The following AFG1L variants were observed in gnomAD, a reference collection of about 807,000 sequenced individuals.
AFG1L encodes AFG1-like ATPase.
AFG1L carries 53 observed loss-of-function variants against 62.2 expected under a neutral mutation model. The observed-to-expected ratio is 0.85, with a 90% CI of 0.68 to 1.07. The LOEUF (loss-of-function observed/expected upper bound fraction) is 1.07, where lower values mean the gene tolerates loss of function less well. AFG1L is among the 50% of genes least tolerant of loss of function. The pLI is 0.00. For synonymous variants in AFG1L, 228 were observed against 210.3 expected, an observed-to-expected ratio of 1.08 and a Z score of -0.73; for missense variants, 555 against 590.5, an observed-to-expected ratio of 0.94 and a Z score of 0.62.
chr6:108,348,161 C>G (rs1778939914), intron 3 of AFG1L, among the ~76,000 whole-genome samples: 2 of 152,202 alleles, frequency 1.3e-5, no homozygotes. Flanking sequence ...TCACTGCAAG[C>G]TCCGCCTCCC....
At chr6:108,370,285 T>C (rs1447748155) in intron 6 of AFG1L, among the ~76,000 whole-genome samples, 3 of 152,066 alleles carry the variant, frequency 2.0e-5, no homozygotes, top group Non-Finnish European at 2.9e-5. Flanking sequence ...GTTTGGAGAA[T>C]AGGTTACTAG....
intron 2 of AFG1L, among the ~76,000 whole-genome samples, chr6:108,331,669 G>A (rs1284487167): frequency 6.6e-6 from 1 of 152,156 alleles, no homozygotes; most frequent in East Asian, 1.9e-4. Context: ...TTGTTATTGT[G>A]CTGTGAGGTA....
intron 10 of AFG1L, among the ~76,000 whole-genome samples, chr6:108,504,747 G>A (rs1031494541): frequency 6.6e-6 from 1 of 152,226 alleles, no homozygotes; most frequent in African/African-American, 2.4e-5. Flanking sequence ...AAGTGTGCCT[G>A]TAGTCTATCT....
intron 10 of AFG1L, among the ~76,000 whole-genome samples, chr6:108,496,775 C>T (rs534724230): frequency 6.6e-6 from 1 of 152,270 alleles, no homozygotes; most frequent in African/African-American, 2.4e-5. Flanking sequence ...GTCTTTCACT[C>T]CAACCATTTA....
At chr6:108,412,925 T>G (rs1782184149) in intron 7 of AFG1L, among the ~76,000 whole-genome samples, 1 of 152,138 alleles carries the variant, frequency 6.6e-6, no homozygotes, top group South Asian at 2.1e-4. Flanking sequence ...ATATTAAACT[T>G]AAATGTAAAT....
In AFG1L at chr6:108,355,534, A is replaced by G. The variant is rs1288764596; in HGVS notation, c.416-120A>G. On this transcript the variant is annotated intron_variant, in intron 3 of 12. Transcript: ENST00000368977. ...AAGCTCCCCCTTCTAAAGAAGTGAC[A>G]TAGTCTTCAGCTTCCTAGCGGAAGA... 2.0e-5 allele frequency: 10 copies of G among 496,934 alleles called. No individual in the cohort carries two copies. The Admixed American group carries it at 3.7e-4, about 18-fold the overall frequency. 30.8% of individuals were successfully genotyped at this position (496,934 alleles called of 1,614,324 possible).
chr6:108,494,626 A>C (rs1773905199), intron 10 of AFG1L, among the ~76,000 whole-genome samples: 1 of 152,100 alleles, frequency 6.6e-6, no homozygotes, highest in South Asian at 2.1e-4. Flanking sequence ...TATTTTCTAG[A>C]ATGGTGAGAT....
chr6:108,473,919 C>T (rs1773006719), intron 8 of AFG1L, among the ~76,000 whole-genome samples: 1 of 152,082 alleles, frequency 6.6e-6, no homozygotes, highest in Admixed American at 6.5e-5. Flanking sequence ...GTAGGATGTG[C>T]AGATTTGTTA....
chr6:108,366,236 A>G lies in AFG1L; in HGVS notation c.652A>G (p.Thr218Ala). ...CLLCFDEFQV[T>A]DIADAMILKQ... ...ACAAATGTGTTGTTGTCAATAGGTCACTGACATTGCTGATGCCATGATTCT... is the reference window on the plus strand; with the variant it reads ...ACAAATGTGTTGTTGTCAATAGGTCGCTGACATTGCTGATGCCATGATTCT... The change falls in exon 6 of 13, where the codon ACT becomes GCT. Residue 218 changes from threonine (T) to alanine (A), a missense_variant. Coordinates refer to ENST00000368977, the MANE Select transcript of AFG1L (RefSeq NM_145315.5). 1.2e-6 allele frequency: 2 copies of G among 1,600,278 alleles called. No homozygotes were observed. The highest frequency in any genetic ancestry group is 1.7e-6 in the Non-Finnish European group (2 of 1,168,520).
At chr6:108,314,427 C>T (rs1443965499) in intron 1 of AFG1L, among the ~76,000 whole-genome samples, 7 of 148,700 alleles carry the variant, frequency 4.7e-5, no homozygotes, top group Non-Finnish European at 8.9e-5. Flanking sequence ...GATAGAGTCT[C>T]GCTCTGTCGC....
intron 7 of AFG1L, among the ~76,000 whole-genome samples, chr6:108,406,730 G>T (rs1343950944): frequency 6.6e-6 from 1 of 152,276 alleles, no homozygotes; most frequent in East Asian, 1.9e-4. Context: ...GAGCCACTGT[G>T]CCTGGCCTTA....
At chr6:108,420,481 A>C (rs1770540006) in intron 7 of AFG1L, among the ~76,000 whole-genome samples, 1 of 150,242 alleles carries the variant, frequency 6.7e-6, no homozygotes, top group African/African-American at 2.4e-5. Flanking sequence ...GGAAAAATTT[A>C]TTTAAGAAAA....
chr6:108,458,392 T>G (rs762689059), intron 8 of AFG1L, among the ~76,000 whole-genome samples: 5 of 152,182 alleles, frequency 3.3e-5, no homozygotes, highest in Non-Finnish European at 7.3e-5. Flanking sequence ...TTGCAGTGTC[T>G]AATCTGTTAT....
chr6:108,520,312 C>G (rs1582699004), intron 12 of AFG1L: 1 of 153,228 alleles, frequency 6.5e-6, no homozygotes, highest in Non-Finnish European at 1.5e-5. Context: ...TAACTAATCT[C>G]TCAACCTCCA....
At chr6:108,350,132 G>A (rs9320261) in intron 3 of AFG1L, among the ~76,000 whole-genome samples, 53,890 of 151,112 alleles carry the variant, frequency 0.36, 9,961 homozygotes, top group Non-Finnish European at 0.42. Context: ...TGAGGCAGAG[G>A]TTGCAGTGAG....
intron 7 of AFG1L, among the ~76,000 whole-genome samples, chr6:108,445,778 A>G (rs1771760884): frequency 6.6e-6 from 1 of 152,140 alleles, no homozygotes; most frequent in South Asian, 2.1e-4. Flanking sequence ...TAAAACAATT[A>G]CAGTAATAGC....
intron 1 of AFG1L, among the ~76,000 whole-genome samples, chr6:108,309,877 C>T (rs906567059): frequency 3.3e-5 from 5 of 152,078 alleles, no homozygotes; most frequent in African/African-American, 1.2e-4. Context: ...TCTCAGGGGT[C>T]TGAGATTTTT....
At chr6:108,439,523 G>C (rs555296739) in intron 7 of AFG1L, among the ~76,000 whole-genome samples, 1 of 152,196 alleles carries the variant, frequency 6.6e-6, no homozygotes, top group South Asian at 2.1e-4. Flanking sequence ...AATACATACT[G>C]TATGATTTCA....
chr6:108,412,815 C>A (rs1582546436), intron 7 of AFG1L, among the ~76,000 whole-genome samples: 2 of 152,236 alleles, frequency 1.3e-5, no homozygotes, highest in South Asian at 4.1e-4. Flanking sequence ...AAAATCATGC[C>A]AAATTGTAAA....
Sources: allele counts gnomAD v4.1 joint callset (sites outside exome capture counted in the v4.1 genomes callset), GRCh38; gene constraint gnomAD v4.1.1; transcripts MANE v1.5; gene names NCBI Gene and HGNC (gene_info 2026-07-23, HGNC 2026-07-21).